Variants in STPG2 observed in about 807,000 individuals in gnomAD.
STPG2 encodes the protein sperm tail PG-rich repeat containing 2, also known as sperm-tail PG-rich repeat-containing protein 2.
Under a neutral mutation model 54.2 loss-of-function variants are expected in STPG2, and 56 were observed. The observed-to-expected ratio is 1.03, with a 90% confidence interval of 0.83 to 1.29. STPG2 has a LOEUF of 1.29. Ranked by LOEUF, STPG2 falls within the 50% of genes most tolerant of loss-of-function variation. The pLI, the probability that STPG2 is intolerant of heterozygous loss-of-function variation, is 0.00. For missense variants in STPG2, 596 were observed against 544.9 expected, an observed-to-expected ratio of 1.09 and a Z score of -0.93; for synonymous variants, 200 against 181.8, an observed-to-expected ratio of 1.10 and a Z score of -0.81.
At chr4:97,679,951 A>G (rs1291209417) in intron 10 of STPG2, among the ~76,000 whole-genome samples, 4 of 151,620 alleles carry the variant, frequency 2.6e-5, no homozygotes, top group Non-Finnish European at 5.9e-5. Context: ...ATGTGGCGTT[A>G]TTTCTGAGGG....
intron 10 of STPG2, among the ~76,000 whole-genome samples, chr4:97,613,011 A>C (rs1157528581): frequency 6.6e-6 from 1 of 152,094 alleles, no homozygotes; most frequent in Non-Finnish European, 1.5e-5. Context: ...AAATTGCAAA[A>C]ATAGTACACA....
At chr4:97,940,526 G>C (rs1411189973) in intron 8 of STPG2, among the ~76,000 whole-genome samples, 3 of 151,926 alleles carry the variant, frequency 2.0e-5, no homozygotes, top group Non-Finnish European at 2.9e-5. Context: ...GGTTTTGTCT[G>C]ACTGTCTTAT....
At chr4:97,724,009 A>G (rs191111313) in intron 9 of STPG2, among the ~76,000 whole-genome samples, 2 of 152,334 alleles carry the variant, frequency 1.3e-5, no homozygotes, top group East Asian at 3.9e-4. Flanking sequence ...TATGTCAACT[A>G]AATAATTTTT....
At chr4:97,559,652 G>A (rs1029397461) in intron 10 of STPG2, among the ~76,000 whole-genome samples, 4 of 151,982 alleles carry the variant, frequency 2.6e-5, no homozygotes, top group African/African-American at 7.3e-5. Context: ...CTAACTTTCT[G>A]ATTTCCAGAA....
At chr4:97,491,920 TA>T (rs1020410836) in intron 4 of STPG2, among the ~76,000 whole-genome samples, 3 of 151,438 alleles carry the variant, frequency 2.0e-5, no homozygotes, top group African/African-American at 7.2e-5. Flanking sequence ...AGCAAGCAAT[TA>T]AAAGGCAAGG....
At chr4:97,453,904 G>A (rs1487215908) in intron 4 of STPG2, among the ~76,000 whole-genome samples, 1 of 152,204 alleles carries the variant, frequency 6.6e-6, no homozygotes, top group Middle Eastern at 3.4e-3. Flanking sequence ...CACTAGAGAA[G>A]TAGAAGAGAG....
At chr4:97,583,455 T>A (rs1014377812) in intron 10 of STPG2, among the ~76,000 whole-genome samples, 13 of 151,952 alleles carry the variant, frequency 8.6e-5, no homozygotes, top group Non-Finnish European at 1.8e-4. Flanking sequence ...ACTTTACAAA[T>A]TTGGAAAATA....
chr4:97,690,161 T>C (rs967594596), intron 10 of STPG2, among the ~76,000 whole-genome samples: 13 of 152,206 alleles, frequency 8.5e-5, no homozygotes, highest in African/African-American at 3.1e-4. Flanking sequence ...TTTTACAAGG[T>C]GAAAACTGTC....
intron 5 of STPG2, among the ~76,000 whole-genome samples, chr4:98,082,140 T>C (rs1738363356): frequency 6.6e-6 from 1 of 152,178 alleles, no homozygotes; most frequent in African/African-American, 2.4e-5. Context: ...AACTATGTTC[T>C]ACTCTAGTGC....
chr4:98,099,154 T>C (rs1326886567), intron 5 of STPG2, among the ~76,000 whole-genome samples: 9 of 152,092 alleles, frequency 5.9e-5, no homozygotes, highest in Admixed American at 4.6e-4. Context: ...CAAAGAGATA[T>C]ATGCACTCCC....
chr4:97,969,457 C>T (rs1734240973), intron 7 of STPG2, among the ~76,000 whole-genome samples: 1 of 152,102 alleles, frequency 6.6e-6, no homozygotes, highest in Admixed American at 6.6e-5. Flanking sequence ...CTGGCATATC[C>T]AGTGCATTGG....
At chr4:97,967,434 T>C (rs1442982460) in intron 7 of STPG2, among the ~76,000 whole-genome samples, 2 of 152,052 alleles carry the variant, frequency 1.3e-5, no homozygotes, top group Admixed American at 1.3e-4. Context: ...CCACTGTCAA[T>C]AGTAGACATA....
chr4:98,105,864 T>A, intron 5 of STPG2, 89 bp downstream of exon 5: 1 of 1,135,336 alleles, frequency 8.8e-7, no homozygotes, highest in Non-Finnish European at 1.2e-6. Flanking sequence ...TCAGGCACAT[T>A]AGATCAAAGA....
intron 9 of STPG2, among the ~76,000 whole-genome samples, chr4:97,773,419 A>C (rs998079771): frequency 3.3e-5 from 5 of 152,114 alleles, no homozygotes; most frequent in African/African-American, 4.8e-5. Flanking sequence ...TCCTAAGCTC[A>C]AGCAATTCTT....
At chr4:97,568,900 G>GTTTTTTTT (rs70953073) in intron 10 of STPG2, among the ~76,000 whole-genome samples, 1 of 143,744 alleles carries the variant, frequency 7.0e-6, no homozygotes, top group African/African-American at 2.6e-5. Context: ...TTTTTGTTTT[G>GTTTTTTTT]TTTTTTTTTT....
chr4:97,515,053 A>G (rs1876581), intron 4 of STPG2, among the ~76,000 whole-genome samples: 152,159 of 152,164 alleles, frequency 1, 76,077 homozygotes, highest in Middle Eastern at 1. Flanking sequence ...GGAATTGATC[A>G]CCCTAAGATG....
intron 5 of STPG2, among the ~76,000 whole-genome samples, chr4:97,995,056 C>A (rs375030960): frequency 6.6e-6 from 1 of 151,954 alleles, no homozygotes; most frequent in Non-Finnish European, 1.5e-5. Flanking sequence ...GTCTTTGCTG[C>A]GTCACACAGG....
chr4:97,512,544 G>T (rs975504314), intron 4 of STPG2, among the ~76,000 whole-genome samples: 2 of 151,598 alleles, frequency 1.3e-5, no homozygotes, highest in Non-Finnish European at 1.5e-5. Flanking sequence ...GAGTGTTAAT[G>T]AAAAGAAACT....
intron 3 of STPG2, among the ~76,000 whole-genome samples, chr4:98,117,768 G>A (rs889936098): frequency 4.1e-4 from 63 of 151,896 alleles, no homozygotes; most frequent in African/African-American, 1.1e-3. Flanking sequence ...ATTTCTACTC[G>A]GTTTGTTTTT....
Sources: gnomAD v4.1 joint callset for allele counts (sites outside exome capture counted in the v4.1 genomes callset) on GRCh38, gnomAD v4.1.1 for gene constraint, MANE v1.5 for transcripts, NCBI Gene and HGNC (gene_info 2026-07-23, HGNC 2026-07-21) for gene names.